NCK2: variants seen among roughly 807,000 people sequenced by gnomAD.
NCK2 encodes NCK adaptor protein 2, also known as cytoplasmic protein NCK2.
In NCK2, 16 loss-of-function variants were observed where a neutral mutation model predicts 33.9. The observed-to-expected ratio is 0.47, with a 90% CI of 0.32 to 0.72. NCK2 has a LOEUF of 0.72. Ranked by LOEUF, NCK2 falls within the 30% of genes least tolerant of loss-of-function variation. The probability of loss-of-function intolerance (pLI) is 0.03; values close to 1 mark genes in which losing one functional copy is unlikely to be tolerated. For missense variants in NCK2, 418 were observed against 537.3 expected, an observed-to-expected ratio of 0.78 and a Z score of 2.19; for synonymous variants, 273 against 239.9, an observed-to-expected ratio of 1.14 and a Z score of -1.27.
At chr2:105,752,938 G>A (rs1387611051) in intron 1 of NCK2, among the ~76,000 whole-genome samples, 4 of 152,084 alleles carry the variant, frequency 2.6e-5, no homozygotes, top group Non-Finnish European at 5.9e-5. Context: ...TGTAATCACT[G>A]TTCTAAGCAC....
chr2:105,862,972 C>T (rs1265111240), intron 3 of NCK2, among the ~76,000 whole-genome samples: 1 of 151,750 alleles, frequency 6.6e-6, no homozygotes, highest in Non-Finnish European at 1.5e-5. Context: ...AAAGAATCAT[C>T]GAGTATCTGC....
intron 1 of NCK2, among the ~76,000 whole-genome samples, chr2:105,807,786 T>TCCCTCTATCCCTCCCTCCCTTCC (rs1675124513): frequency 1.8e-5 from 1 of 54,754 alleles, no homozygotes; most frequent in Non-Finnish European, 3.5e-5. Flanking sequence ...CTCCCTCCCT[T>TCCCTCTATCCCTCCCTCCCTTCC]CTCTCTCTCC....
At chr2:105,775,029 A>T (rs1690257294) in intron 1 of NCK2, among the ~76,000 whole-genome samples, 1 of 152,050 alleles carries the variant, frequency 6.6e-6, no homozygotes, top group Non-Finnish European at 1.5e-5. Flanking sequence ...GATAATAATA[A>T]TATAATAATA....
intron 2 of NCK2, among the ~76,000 whole-genome samples, chr2:105,852,943 T>A (rs1030833944): frequency 3.3e-5 from 5 of 152,214 alleles, no homozygotes; most frequent in Non-Finnish European, 7.3e-5. Context: ...CCAAAAGGTT[T>A]GTTATCTTTA....
At chr2:105,844,400 TTAA>T (rs1186725825) in intron 2 of NCK2, among the ~76,000 whole-genome samples, 1 of 152,028 alleles carries the variant, frequency 6.6e-6, no homozygotes, top group Non-Finnish European at 1.5e-5. Context: ...ATGTAATATG[TTAA>T]TAATAAAGGA....
intron 2 of NCK2, among the ~76,000 whole-genome samples, chr2:105,853,528 C>T (rs1677143979): frequency 6.6e-6 from 1 of 152,204 alleles, no homozygotes; most frequent in Non-Finnish European, 1.5e-5. Flanking sequence ...CTGTGCTTCA[C>T]CCTTGCATCC....
rs990070802 is a variant in NCK2, at chr2:105,881,894, C to G, written c.793C>G (p.His265Asp). The G allele has an allele frequency of 2.5e-6, 4 of 1,570,696 alleles. No homozygotes were observed. The highest frequency in any genetic ancestry group is 3.5e-6 in the Non-Finnish European group (4 of 1,158,498). Reference sequence around the variant, plus strand: ...TGACGGGCCTGCCCTGCACCCTGCGCACGCCCCACAGATAAGCTACACCGG... The same window carrying G: ...TGACGGGCCTGCCCTGCACCCTGCGGACGCCCCACAGATAAGCTACACCGG... Reference protein sequence around the residue: ...LSDGPALHPAHAPQISYTGPS... With the variant: ...LSDGPALHPADAPQISYTGPS... Residue 265 changes from histidine (H) to aspartate (D), a missense_variant, in exon 4 of 5, where the codon CAC (histidine) becomes GAC (aspartate). His to Asp is a moderately conservative substitution (Grantham distance 81, BLOSUM62 -1). Coordinates refer to ENST00000233154, the MANE Select transcript of NCK2 (RefSeq NM_003581.5).
At chr2:105,882,107 G>A in intron 4 of NCK2, 58 bp downstream of exon 4, 1 of 1,447,068 alleles carries the variant, frequency 6.9e-7, no homozygotes, top group Non-Finnish European at 9.1e-7. Context: ...TTGCGCGGTG[G>A]GTCTGTGTGC....
At chr2:105,776,241 C>CA (rs1010001851) in intron 1 of NCK2, among the ~76,000 whole-genome samples, 4 of 152,254 alleles carry the variant, frequency 2.6e-5, no homozygotes, top group African/African-American at 9.6e-5. Flanking sequence ...GTCCCAGCGA[C>CA]AGAAACCGTA....
At chr2:105,771,739 C>T (rs1479842646) in intron 1 of NCK2, among the ~76,000 whole-genome samples, 1 of 152,136 alleles carries the variant, frequency 6.6e-6, no homozygotes, top group African/African-American at 2.4e-5. Context: ...ATAAAGCTTT[C>T]TAGAAAAAGC....
chr2:105,875,331 G>A (rs889392288), intron 3 of NCK2, among the ~76,000 whole-genome samples: 1 of 152,040 alleles, frequency 6.6e-6, no homozygotes, highest in African/African-American at 2.4e-5. Flanking sequence ...GAACATTGCA[G>A]CTGCTGGAGG....
chr2:105,794,357 C>T (rs1463657108), intron 1 of NCK2, among the ~76,000 whole-genome samples: 1 of 152,048 alleles, frequency 6.6e-6, no homozygotes, highest in Non-Finnish European at 1.5e-5. Context: ...TGGCTGAATC[C>T]TTTGATTTTA....
chr2:105,836,555 G>T (rs1333928118), intron 2 of NCK2, among the ~76,000 whole-genome samples: 4 of 152,194 alleles, frequency 2.6e-5, no homozygotes, highest in Admixed American at 6.5e-5. Context: ...GGAGGTAGTA[G>T]CAGGCCCCAT....
intron 4 of NCK2, among the ~76,000 whole-genome samples, chr2:105,891,583 T>C (rs1224117179): frequency 7.7e-6 from 1 of 130,090 alleles, no homozygotes; most frequent in Non-Finnish European, 1.6e-5. Context: ...TTTTTCGCTC[T>C]TGTTGCCCAG....
chr2:105,797,603 G>C (rs1460011792), intron 1 of NCK2, among the ~76,000 whole-genome samples: 4 of 152,194 alleles, frequency 2.6e-5, no homozygotes, highest in Non-Finnish European at 5.9e-5. Flanking sequence ...GGTCTGGTTG[G>C]AGTCCCTGTG....
Position 105,808,033 on chromosome 2 carries a change from G to A in NCK2, c.-200-8397G>A, listed in dbSNP as rs1480940147. 2.0e-5 allele frequency among the ~76,000 whole-genome samples: 3 copies of A among 152,040 alleles called. No individual in the cohort carries two copies. In the East Asian group the frequency reaches 5.8e-4, roughly 29 times the overall value. ...TTCTCCTGCCTTAGCCTCTTGAGTAGCCGGGACTACAGGTGTGTACCGCTA... is the reference window on the plus strand; with the variant it reads ...TTCTCCTGCCTTAGCCTCTTGAGTAACCGGGACTACAGGTGTGTACCGCTA... On this transcript the variant is annotated intron_variant, in intron 1 of 4. Transcript: ENST00000233154.
At chr2:105,889,587 TTTTTTA>T (rs1450664778) in intron 4 of NCK2, among the ~76,000 whole-genome samples, 1 of 150,124 alleles carries the variant, frequency 6.7e-6, no homozygotes, top group African/African-American at 2.5e-5. Flanking sequence ...TTTTTTTTTT[TTTTTTA>T]ATTATTTTGA....
intron 1 of NCK2, among the ~76,000 whole-genome samples, chr2:105,812,059 G>C (rs1189355584): frequency 6.6e-6 from 1 of 152,048 alleles, no homozygotes; most frequent in Non-Finnish European, 1.5e-5. Context: ...TCATTAATCA[G>C]CTTCTAATTA....
intron 3 of NCK2, among the ~76,000 whole-genome samples, chr2:105,870,099 A>C (rs1677938128): frequency 6.6e-6 from 1 of 152,130 alleles, no homozygotes; most frequent in Admixed American, 6.5e-5. Context: ...TGGTGTGCCC[A>C]CCCACTGGCA....
Sources: gnomAD v4.1 joint callset for allele counts (sites outside exome capture counted in the v4.1 genomes callset) on GRCh38, gnomAD v4.1.1 for gene constraint, MANE v1.5 for transcripts, NCBI Gene and HGNC (gene_info 2026-07-23, HGNC 2026-07-21) for gene names.